PARP4: variants seen among roughly 807,000 people sequenced by gnomAD.
PARP4 encodes the protein poly(ADP-ribose) polymerase family member 4.
A neutral mutation model predicts 187.7 loss-of-function variants in PARP4; 120 were observed. The observed-to-expected ratio is 0.64, with a 90% CI of 0.55 to 0.74. The LOEUF (loss-of-function observed/expected upper bound fraction) is 0.74, where lower values mean the gene tolerates loss of function less well. Among genes scored for constraint, PARP4 ranks in the 30% least tolerant of loss-of-function variants. PARP4 has a pLI of 0.00. For synonymous variants in PARP4, 654 were observed against 740.9 expected (o/e 0.88, Z 1.90); for missense variants, 1,836 against 2,070.5 (o/e 0.89, Z 2.20).
chr13:24,470,395 C>A (rs1277558965), intron 15 of PARP4, among the ~76,000 whole-genome samples: 5 of 152,034 alleles, frequency 3.3e-5, no homozygotes, highest in African/African-American at 1.2e-4. Flanking sequence ...CCAGAATAGT[C>A]CTTCTATCCT....
At chr13:24,423,634 A>G (rs1217608048) in intron 33 of PARP4, among the ~76,000 whole-genome samples, 1 of 152,180 alleles carries the variant, frequency 6.6e-6, no homozygotes, top group Non-Finnish European at 1.5e-5. Context: ...ATGAGAAGGT[A>G]TTGCTTTTTA....
intron 12 of PARP4, among the ~76,000 whole-genome samples, chr13:24,482,489 T>C (rs1873329537): frequency 1.3e-5 from 2 of 152,152 alleles, no homozygotes; most frequent in Non-Finnish European, 2.9e-5. Flanking sequence ...TTTTAAGAAA[T>C]TGCCACAGCC....
chr13:24,451,448 T>C (rs1172765739), intron 24 of PARP4, among the ~76,000 whole-genome samples: 1 of 151,962 alleles, frequency 6.6e-6, no homozygotes, highest in East Asian at 1.9e-4. Context: ...GGCTTGAGTA[T>C]AGCAGCTAGG....
intron 1 of PARP4, among the ~76,000 whole-genome samples, chr13:24,510,224 T>G (rs1869922571): frequency 6.6e-6 from 1 of 152,176 alleles, no homozygotes; most frequent in African/African-American, 2.4e-5. Flanking sequence ...GTTTATTTCA[T>G]CCTTCCCCAA....
chr13:24,512,171 A>G lies in PARP4; in HGVS notation c.-2+535T>C, dbSNP rs576565229. Among the ~76,000 whole-genome samples, 46 of 152,322 alleles carry G rather than the reference A, an allele frequency of 3.0e-4. No homozygotes were observed. In the South Asian group the frequency reaches 9.5e-3, roughly 32 times the overall value. On this transcript the variant is annotated intron_variant, in intron 1 of 33. Transcript: ENST00000381989. Reference sequence around the variant, plus strand: ...ATCTACCAACTCGATCCCTGGGTGAACCATTCGGCCCTCCTAGCAGGAATT... The same window carrying G: ...ATCTACCAACTCGATCCCTGGGTGAGCCATTCGGCCCTCCTAGCAGGAATT...
intron 6 of PARP4, among the ~76,000 whole-genome samples, chr13:24,495,513 A>AG (rs1868896989): frequency 6.6e-6 from 1 of 152,232 alleles, no homozygotes; most frequent in Non-Finnish European, 1.5e-5. Flanking sequence ...TAAAGGCTCC[A>AG]GCTCCTCCCT....
intron 31 of PARP4, among the ~76,000 whole-genome samples, chr13:24,431,897 A>C (rs1309592304): frequency 1.3e-5 from 2 of 152,124 alleles, no homozygotes; most frequent in Non-Finnish European, 2.9e-5. Flanking sequence ...GAGATTTTTT[A>C]ATTTTTATTT....
At chr13:24,453,550 A>C (rs368212889) in intron 23 of PARP4, 37 bp downstream of exon 23, 93 of 1,313,280 alleles carry the variant, frequency 7.1e-5, no homozygotes, top group South Asian at 6.2e-4. Flanking sequence ...CATGGTAGGA[A>C]AAGACCCAGG....
intron 10 of PARP4, among the ~76,000 whole-genome samples, chr13:24,488,284 C>G (rs1868430864): frequency 1.3e-5 from 2 of 152,082 alleles, no homozygotes; most frequent in Non-Finnish European, 1.5e-5. Flanking sequence ...TCAGCGGACA[C>G]CTAGGGGAGG....
intron 1 of PARP4, among the ~76,000 whole-genome samples, chr13:24,509,098 A>T (rs1310446976): frequency 2.0e-5 from 3 of 152,196 alleles, no homozygotes; most frequent in Non-Finnish European, 4.4e-5. Context: ...AGTTTGAACA[A>T]TTTTTTTGTG....
Position 24,453,605 on chromosome 13 carries a change from C to CGTGGT in PARP4, c.2807_2808insACCAC (p.Met936IlefsTer52). The stretch of plus-strand genomic sequence containing the variant: ...CACTCACCATGATGAACTCTGCTGC[C>CGTGGT]ATGGTATTGCTTGTGATATGCTTAG... On this transcript the variant is annotated frameshift_variant, in exon 23 of 34. Transcript: ENST00000381989. LOFTEE classifies it high-confidence loss of function. The CGTGGT allele has an allele frequency of 6.2e-7, 1 of 1,602,180 alleles. No homozygotes were observed. The highest frequency in any genetic ancestry group is 8.6e-7 in the Non-Finnish European group (1 of 1,169,396).
intron 5 of PARP4, 145 bp downstream of exon 5, chr13:24,499,156 C>T (rs1869127935): frequency 1.3e-6 from 1 of 756,604 alleles, no homozygotes; most frequent in Non-Finnish European, 1.9e-6. Flanking sequence ...ATAAAATTAA[C>T]TCATATTTTA....
intron 6 of PARP4, among the ~76,000 whole-genome samples, 157 bp from the exon 7 acceptor site, chr13:24,494,879 C>CTTTTTTTTTTTTTTT (rs139965809): frequency 2.7e-5 from 4 of 146,612 alleles, no homozygotes; most frequent in African/African-American, 7.5e-5. Context: ...TTTTCTTTTT[C>CTTTTTTTTTTTTTTT]TTTTTTTTTT....
chr13:24,459,773 G>C (rs870267), intron 18 of PARP4, among the ~76,000 whole-genome samples, 199 bp downstream of exon 18: 15,361 of 152,188 alleles, frequency 0.1, 861 homozygotes, highest in Non-Finnish European at 0.12. Flanking sequence ...ATAAAAATAT[G>C]CTTATTGATC....
Position 24,486,326 on chromosome 13 carries a change from G to T in PARP4, c.1215-21C>A, listed in dbSNP as rs771937985. On this transcript the variant is annotated intron_variant, in intron 10 of 33. Coordinates refer to ENST00000381989, the MANE Select transcript of PARP4 (RefSeq NM_006437.4). The stretch of plus-strand genomic sequence containing the variant: ...TCTTACTGTAAGAATTAGAAGAAAA[G>T]CCTTTAGATTACATAATTGGAAACA... 4 of 1,509,510 alleles carry T rather than the reference G, an allele frequency of 2.6e-6. No individual in the cohort carries two copies. In the African/African-American group the frequency reaches 5.6e-5, roughly 21 times the overall value. 93.5% of individuals were successfully genotyped at this position (1,509,510 alleles called of 1,614,324 possible). A position where few individuals can be genotyped will look rare whatever the true frequency, so the allele number is the denominator to read the frequency against.
At chr13:24,449,129 C>G (rs1327063936) in intron 25 of PARP4, among the ~76,000 whole-genome samples, 3 of 152,148 alleles carry the variant, frequency 2.0e-5, no homozygotes, top group African/African-American at 7.2e-5. Flanking sequence ...TGGCTCACGC[C>G]TGTAATCCCA....
intron 18 of PARP4, 79 bp from the exon 19 acceptor site, chr13:24,459,389 C>T: frequency 7.6e-7 from 1 of 1,310,562 alleles, no homozygotes; most frequent in South Asian, 1.4e-5. Context: ...GTAATCTTGG[C>T]AAGGCCACAA....
chr13:24,499,513 G>A (rs1869157808), intron 4 of PARP4, 137 bp from the exon 5 acceptor site: 3 of 672,604 alleles, frequency 4.5e-6, no homozygotes, highest in Admixed American at 7.5e-5. Context: ...AGTCCACATG[G>A]TAAGTCCCTA....
chr13:24,435,612 T>C, intron 30 of PARP4, 138 bp from the exon 31 acceptor site: 1 of 920,400 alleles, frequency 1.1e-6, no homozygotes. Flanking sequence ...CAATGTGAGC[T>C]GGGATGTTGA....
Sources: gnomAD v4.1 joint callset for allele counts (sites outside exome capture counted in the v4.1 genomes callset) on GRCh38, gnomAD v4.1.1 for gene constraint, MANE v1.5 for transcripts, NCBI Gene and HGNC (gene_info 2026-07-23, HGNC 2026-07-21) for gene names.